Variants in PEAK1 observed in about 807,000 individuals in gnomAD.
PEAK1 encodes inactive tyrosine-protein kinase PEAK1.
Under a neutral mutation model 124.7 loss-of-function variants are expected in PEAK1, and 54 were observed. The ratio of observed to expected loss-of-function variants is 0.43; its 90% CI spans 0.35 to 0.54. The LOEUF is 0.54. Ranked by LOEUF, PEAK1 falls within the 20% of genes least tolerant of loss-of-function variation. PEAK1 has a pLI of 0.01. For synonymous variants in PEAK1, 719 were observed against 760.0 expected (o/e 0.95, Z 0.89); for missense variants, 2,046 against 2,134.5 (o/e 0.96, Z 0.82).
At chr15:77,419,780 G>T (rs1159550611) in intron 1 of PEAK1, among the ~76,000 whole-genome samples, 2 of 148,740 alleles carry the variant, frequency 1.3e-5, no homozygotes, top group East Asian at 4.0e-4. Flanking sequence ...GGCACCGGCG[G>T]GGCGCGGGGG....
chr15:77,404,953 A>G (rs983883300), intron 1 of PEAK1, among the ~76,000 whole-genome samples: 2 of 152,068 alleles, frequency 1.3e-5, no homozygotes, highest in African/African-American at 4.8e-5. Context: ...TGCATTCATT[A>G]TAACTGATAC....
intron 5 of PEAK1, among the ~76,000 whole-genome samples, chr15:77,280,388 C>A (rs928646182): frequency 6.6e-6 from 1 of 152,016 alleles, no homozygotes; most frequent in Non-Finnish European, 1.5e-5. Flanking sequence ...TAAAAATTAA[C>A]AACAAAATAA....
intron 2 of PEAK1, among the ~76,000 whole-genome samples, chr15:77,294,927 G>A (rs925934874): frequency 6.6e-6 from 1 of 151,998 alleles, no homozygotes; most frequent in Non-Finnish European, 1.5e-5. Context: ...TTAAAAAGGA[G>A]AATATGAAAA....
intron 2 of PEAK1, chr15:77,334,503 C>T (rs2066076316): frequency 2.0e-6 from 2 of 985,396 alleles, no homozygotes; most frequent in Non-Finnish European, 2.4e-6. Flanking sequence ...CTCTTCCACT[C>T]ACGACCCAGG....
intron 6 of PEAK1, among the ~76,000 whole-genome samples, chr15:77,246,656 G>A (rs368321308): frequency 3.4e-4 from 51 of 152,158 alleles, no homozygotes; most frequent in African/African-American, 1.2e-3. Context: ...TTACACCTAT[G>A]TTTTTGTGTT....
chr15:77,419,223 C>G, intron 1 of PEAK1: 1 of 985,296 alleles, frequency 1.0e-6, no homozygotes, highest in Non-Finnish European at 1.2e-6. Flanking sequence ...GGGTCTCTCC[C>G]GGTGCTCTCA....
At chr15:77,124,351 T>G (rs1389129641) in intron 9 of PEAK1, among the ~76,000 whole-genome samples, 1 of 152,244 alleles carries the variant, frequency 6.6e-6, no homozygotes, top group Non-Finnish European at 1.5e-5. Flanking sequence ...AGCTCTCTTC[T>G]GAGTACCAAA....
chr15:77,378,261 T>C (rs1412852698), intron 1 of PEAK1, among the ~76,000 whole-genome samples: 4 of 151,352 alleles, frequency 2.6e-5, no homozygotes, highest in African/African-American at 9.7e-5. Context: ...TTATTTCACC[T>C]GTAAAAAGGC....
chr15:77,385,615 AG>A (rs2069863245), intron 1 of PEAK1, among the ~76,000 whole-genome samples: 1 of 152,200 alleles, frequency 6.6e-6, no homozygotes, highest in Non-Finnish European at 1.5e-5. Flanking sequence ...CCTATAAGGA[AG>A]GCTATCTGGG....
At chr15:77,362,839 T>G (rs1040984312) in intron 2 of PEAK1, among the ~76,000 whole-genome samples, 2 of 151,670 alleles carry the variant, frequency 1.3e-5, no homozygotes, top group African/African-American at 2.4e-5. Context: ...GAAAAAAAAG[T>G]GTGACTTTTT....
intron 1 of PEAK1, among the ~76,000 whole-genome samples, chr15:77,397,653 G>A (rs1228906113): frequency 6.6e-6 from 1 of 152,112 alleles, no homozygotes; most frequent in African/African-American, 2.4e-5. Context: ...GCTACTATGA[G>A]TAACCACATG....
chr15:77,352,357 AC>A (rs2067259778), intron 2 of PEAK1: 1 of 985,148 alleles, frequency 1.0e-6, no homozygotes, highest in Non-Finnish European at 1.2e-6. Flanking sequence ...CTTTCTATCT[AC>A]CTGAAACCCC....
rs2065328170 is a variant in PEAK1 at position 77,323,002 on chromosome 15, C to G, written c.-602-36498G>C. Among the ~76,000 whole-genome samples, 3 of 152,148 alleles carry G rather than the reference C, an allele frequency of 2.0e-5. No homozygotes were observed. In the South Asian group the frequency reaches 6.2e-4, roughly 32 times the overall value. Reference sequence around the variant, plus strand: ...ACATACACAAATCAATAAACGTAATCCAGCATATAAACAGAACCAAAGACA... The same window carrying G: ...ACATACACAAATCAATAAACGTAATGCAGCATATAAACAGAACCAAAGACA... On this transcript the variant is annotated intron_variant, in intron 2 of 9. Coordinates refer to ENST00000682557, the MANE Select transcript of PEAK1 (RefSeq NM_001385026.1).
chr15:77,320,708 G>A (rs1345897942), intron 2 of PEAK1, among the ~76,000 whole-genome samples: 1 of 151,942 alleles, frequency 6.6e-6, no homozygotes, highest in Non-Finnish European at 1.5e-5. Flanking sequence ...TGGGCACAAC[G>A]TGCAGGTTAG....
chr15:77,417,207 T>A (rs1256468654), intron 1 of PEAK1: 4 of 321,442 alleles, frequency 1.2e-5, no homozygotes, highest in Non-Finnish European at 1.8e-5. Context: ...CTTCTCCTCC[T>A]CAACTGTAAA....
intron 2 of PEAK1, among the ~76,000 whole-genome samples, chr15:77,324,489 G>C (rs1259564139): frequency 6.6e-6 from 1 of 151,962 alleles, no homozygotes; most frequent in African/African-American, 2.4e-5. Context: ...ATAAAATACT[G>C]TTTTTATACC....
intron 1 of PEAK1, among the ~76,000 whole-genome samples, chr15:77,399,275 T>C (rs1362428647): frequency 6.6e-6 from 1 of 152,020 alleles, no homozygotes; most frequent in Non-Finnish European, 1.5e-5. Flanking sequence ...TTAATGTCTA[T>C]CAATATACCA....
At chr15:77,284,651 C>T (rs371369545) in intron 4 of PEAK1, among the ~76,000 whole-genome samples, 5 of 151,998 alleles carry the variant, frequency 3.3e-5, no homozygotes, top group African/African-American at 9.7e-5. Context: ...TTTGGTGAGG[C>T]GATTTAACTG....
Position 77,294,686 on chromosome 15 carries a change from T to C in PEAK1, c.-602-8182A>G, listed in dbSNP as rs144556916. Among the ~76,000 whole-genome samples, 1,365 of 152,312 alleles carry C rather than the reference T, an allele frequency of 9.0e-3. 7 individuals are homozygous for C. The highest frequency in any genetic ancestry group is 0.015 in the Non-Finnish European group (998 of 68,020). ...AATTTGCAGTCTTATGTAGTATGCA[T>C]AGAGCATCTGGCATACCAATAATAT... is the stretch of plus-strand genomic sequence containing the variant. On this transcript the variant is annotated intron_variant, in intron 2 of 9. Transcript: ENST00000682557.
Sources: gnomAD v4.1 joint callset for allele counts (sites outside exome capture counted in the v4.1 genomes callset) on GRCh38, gnomAD v4.1.1 for gene constraint, MANE v1.5 for transcripts, NCBI Gene and HGNC (gene_info 2026-07-23, HGNC 2026-07-21) for gene names.